SEMA3A: variants seen among roughly 807,000 people sequenced by gnomAD.
The protein encoded by SEMA3A is semaphorin-3A.
A neutral mutation model predicts 97.9 loss-of-function variants in SEMA3A; 29 were observed. The observed-to-expected ratio is 0.30, with a 90% CI of 0.22 to 0.40. The LOEUF is 0.40. Among genes scored for constraint, SEMA3A ranks in the 10% least tolerant of loss-of-function variants. The pLI is 1.00. For synonymous variants in SEMA3A, 321 were observed against 323.7 expected, an observed-to-expected ratio of 0.99 and a Z score of 0.09; for missense variants, 763 against 951.3, an observed-to-expected ratio of 0.80 and a Z score of 2.60.
chr7:84,207,906 T>G (rs1173170639), intron 3 of SEMA3A, among the ~76,000 whole-genome samples: 2 of 152,162 alleles, frequency 1.3e-5, no homozygotes, highest in Non-Finnish European at 2.9e-5. Context: ...GTGAGGAGAT[T>G]GCAGTTATGT....
intron 5 of SEMA3A, among the ~76,000 whole-genome samples, chr7:84,054,991 G>T (rs1207625655): frequency 6.6e-6 from 1 of 152,112 alleles, no homozygotes; most frequent in Non-Finnish European, 1.5e-5. Flanking sequence ...CCCCTGCTGT[G>T]GGGTGCCTCC....
chr7:84,326,332 C>A (rs561773578), intron 2 of SEMA3A, among the ~76,000 whole-genome samples: 1 of 151,966 alleles, frequency 6.6e-6, no homozygotes, highest in East Asian at 1.9e-4. Flanking sequence ...TATAAAGAGA[C>A]AAATATAAAC....
At chr7:84,411,645 T>C (rs1804271825) in intron 1 of SEMA3A, among the ~76,000 whole-genome samples, 1 of 151,856 alleles carries the variant, frequency 6.6e-6, no homozygotes, top group Admixed American at 6.6e-5. Context: ...ATATTAACTA[T>C]CTACATTTCA....
At chr7:84,024,916 C>G (rs964745186) in intron 6 of SEMA3A, among the ~76,000 whole-genome samples, 5 of 151,960 alleles carry the variant, frequency 3.3e-5, no homozygotes, top group Admixed American at 1.3e-4. Flanking sequence ...GGTGAAACCC[C>G]GTCTCTACTA....
intron 12 of SEMA3A, among the ~76,000 whole-genome samples, chr7:83,995,789 C>T (rs185278978): frequency 9.9e-5 from 15 of 152,270 alleles, no homozygotes; most frequent in Admixed American, 8.5e-4. Context: ...CCTTATTAAA[C>T]TTTCTCACTT....
In SEMA3A at chr7:83,981,485, A is replaced by G; in HGVS notation, c.1495-7T>C. On this transcript the variant is annotated splice_polypyrimidine_tract_variant and splice_region_variant and intron_variant, in intron 13 of 16. Transcript: ENST00000265362. ...AACCAATATATAGTTGTTGCTGTGGAAAGAGTTTACTGCTGTGACAAAAAC... is the reference window on the plus strand; with the variant it reads ...AACCAATATATAGTTGTTGCTGTGGGAAGAGTTTACTGCTGTGACAAAAAC... The G allele has an allele frequency of 1.9e-6, 3 of 1,587,538 alleles. No individual in the cohort carries two copies. The highest frequency in any genetic ancestry group is 1.8e-5 in the Admixed American group (1 of 54,668).
At chr7:84,381,785 G>C (rs888476226) in intron 1 of SEMA3A, among the ~76,000 whole-genome samples, 4 of 152,128 alleles carry the variant, frequency 2.6e-5, no homozygotes, top group Admixed American at 6.5e-5. Flanking sequence ...GTTTTGTCTT[G>C]AACCTCAGTA....
At chr7:83,985,569 GA>G in intron 12 of SEMA3A, 92 bp from the exon 13 acceptor site, 8 of 999,630 alleles carry the variant, frequency 8.0e-6, no homozygotes, top group Non-Finnish European at 1.3e-5. Flanking sequence ...TTAGTTTTCA[GA>G]GAGAAACTTC....
chr7:84,194,209 T>C (rs1029784293), intron 1 of SEMA3A, among the ~76,000 whole-genome samples: 4 of 152,288 alleles, frequency 2.6e-5, no homozygotes, highest in African/African-American at 4.8e-5. Context: ...TAATAAGATA[T>C]ACAGATCAGC....
chr7:84,329,244 C>A (rs1432919443), intron 2 of SEMA3A, among the ~76,000 whole-genome samples: 1 of 151,866 alleles, frequency 6.6e-6, no homozygotes, highest in African/African-American at 2.4e-5. Context: ...AGACATTACA[C>A]GTAATTTTCT....
At chr7:84,417,911 G>A (rs1280072700) in intron 1 of SEMA3A, among the ~76,000 whole-genome samples, 1 of 152,024 alleles carries the variant, frequency 6.6e-6, no homozygotes, top group South Asian at 2.1e-4. Context: ...AGTACCAAAC[G>A]CTAGTCTAAT....
intron 15 of SEMA3A, among the ~76,000 whole-genome samples, chr7:83,970,972 A>G (rs980555244): frequency 6.6e-6 from 1 of 152,232 alleles, no homozygotes; most frequent in Non-Finnish European, 1.5e-5. Context: ...TAGATGCTCT[A>G]TCAGTAGAAA....
intron 3 of SEMA3A, among the ~76,000 whole-genome samples, chr7:84,208,314 T>C (rs573444692): frequency 6.6e-6 from 1 of 151,588 alleles, no homozygotes; most frequent in East Asian, 2.0e-4. Flanking sequence ...TAGCTGGGTG[T>C]GGTGGCGGGC....
chr7:84,438,972 A>G (rs969175614), intron 1 of SEMA3A, among the ~76,000 whole-genome samples: 1 of 152,094 alleles, frequency 6.6e-6, no homozygotes, highest in Non-Finnish European at 1.5e-5. Flanking sequence ...TGTGCAAAAG[A>G]AACTAAAGGA....
At chr7:84,163,576 T>C (rs886742219) in intron 1 of SEMA3A, among the ~76,000 whole-genome samples, 12 of 152,140 alleles carry the variant, frequency 7.9e-5, no homozygotes, top group African/African-American at 2.9e-4. Context: ...TAATAAAATA[T>C]GACATTGGAA....
intron 2 of SEMA3A, among the ~76,000 whole-genome samples, chr7:84,365,566 A>G (rs1802828198): frequency 6.6e-6 from 1 of 151,570 alleles, no homozygotes; most frequent in Non-Finnish European, 1.5e-5. Context: ...ATATGACTGT[A>G]TCTCATACTG....
chr7:84,257,554 T>C (rs1799745753), intron 3 of SEMA3A, among the ~76,000 whole-genome samples: 1 of 152,170 alleles, frequency 6.6e-6, no homozygotes, highest in Admixed American at 6.5e-5. Context: ...AACACTGAAG[T>C]CATTTGTTTT....
At chr7:84,421,086 C>T (rs778747732) in intron 1 of SEMA3A, among the ~76,000 whole-genome samples, 20 of 151,820 alleles carry the variant, frequency 1.3e-4, no homozygotes, top group Middle Eastern at 3.4e-3. Flanking sequence ...GTTAGGGTTT[C>T]GGTTTTAGAT....
chr7:83,973,452 A>C (rs1789000526), intron 15 of SEMA3A, among the ~76,000 whole-genome samples: 1 of 152,026 alleles, frequency 6.6e-6, no homozygotes, highest in Non-Finnish European at 1.5e-5. Context: ...GACTTGATGA[A>C]ATTTGATAAT....
Sources: gnomAD v4.1 joint callset for allele counts (sites outside exome capture counted in the v4.1 genomes callset) on GRCh38, gnomAD v4.1.1 for gene constraint, MANE v1.5 for transcripts, NCBI Gene and HGNC (gene_info 2026-07-23, HGNC 2026-07-21) for gene names.